Variants in STARD5 observed in about 807,000 individuals in gnomAD.
The protein encoded by STARD5 is StAR related lipid transfer domain containing 5.
A neutral mutation model predicts 24.6 loss-of-function variants in STARD5; 26 were observed. The ratio of observed to expected loss-of-function variants is 1.06; its 90% CI spans 0.77 to 1.47. The LOEUF is 1.47. STARD5 is among the 40% of genes most tolerant of loss of function. STARD5 has a pLI of 0.00. For synonymous variants in STARD5, 101 were observed against 99.7 expected (o/e 1.01, Z -0.07); for missense variants, 254 against 270.8 (o/e 0.94, Z 0.44).
rs985688967 is a variant in STARD5 at position 81,309,102 on chromosome 15, A to G, written c.*4154T>C. 2 of 295,736 alleles carry G rather than the reference A, an allele frequency of 6.8e-6. No homozygotes were observed. The highest frequency in any genetic ancestry group is 5.1e-5 in the Admixed American group (1 of 19,674). 18.3% of individuals were successfully genotyped at this position (295,736 alleles called of 1,614,324 possible). Reference sequence around the variant, plus strand: ...TTTATTAGAATTTCATATGACATTCATGCCTGGCTTCGCAAAATGTTTCAA... The same window carrying G: ...TTTATTAGAATTTCATATGACATTCGTGCCTGGCTTCGCAAAATGTTTCAA... On this transcript the variant is annotated 3_prime_UTR_variant, in exon 6 of 6. Transcript: ENST00000302824.
intron 4 of STARD5, 102 bp downstream of exon 4, chr15:81,319,237 G>T: frequency 1.9e-6 from 2 of 1,051,244 alleles, no homozygotes; most frequent in Non-Finnish European, 1.5e-6. Context: ...GTGAGTTTCT[G>T]GTGATTTCTG....
intron 3 of STARD5, among the ~76,000 whole-genome samples, chr15:81,319,792 G>A (rs938373930): frequency 2.0e-5 from 3 of 152,200 alleles, no homozygotes; most frequent in African/African-American, 7.2e-5. Flanking sequence ...CTTACCTTTA[G>A]AAATAGGAAT....
rs1475553383 is a variant in STARD5, at chr15:81,313,387, T to A, written c.511A>T (p.Asn171Tyr). The A allele has an allele frequency of 6.4e-7, 1 of 1,555,780 alleles. No individual in the cohort carries two copies. The highest frequency in any genetic ancestry group is 1.4e-5 in the African/African-American group (1 of 72,462). Residue 171 changes from asparagine to tyrosine, a missense_variant, in exon 6 of 6, where the codon AAC becomes TAC. Physicochemically the swap from Asn to Tyr is moderately radical, Grantham distance 143. Coordinates refer to ENST00000302824, the MANE Select transcript of STARD5 (RefSeq NM_181900.3). ...EPLPGEPTKTNLVTFFHTDLS... is the reference protein window; with the variant it reads ...EPLPGEPTKTYLVTFFHTDLS... ...TCGGTATGGAAGAATGTGACCAGGT[T>A]GGTCTTGGTGGGTTCCCTGTGAAGG... is the stretch of plus-strand genomic sequence containing the variant.
chr15:81,314,847 T>C lies in STARD5; in HGVS notation c.495-1444A>G, dbSNP rs1483949527. Among the ~76,000 whole-genome samples, 6 of 143,200 alleles carry C rather than the reference T, an allele frequency of 4.2e-5. No homozygotes were observed. In the South Asian group the frequency reaches 8.8e-4, roughly 21 times the overall value. 93.9% of individuals were successfully genotyped at this position (143,200 alleles called of 152,430 possible). A position where few individuals can be genotyped will look rare whatever the true frequency, so the allele number is the denominator to read the frequency against. ...GTTGCAGTGAGCCGAGATTACACCA[T>C]TGCACTCCAGCCTGGGTGACAAGAG... On this transcript the variant is annotated intron_variant, in intron 5 of 5. Transcript: ENST00000302824.
chr15:81,320,324 A>G (rs1901171494), intron 3 of STARD5, among the ~76,000 whole-genome samples: 1 of 152,222 alleles, frequency 6.6e-6, no homozygotes, highest in African/African-American at 2.4e-5. Flanking sequence ...GCCTCAGGAA[A>G]TTAATCTTCG....
intron 3 of STARD5, among the ~76,000 whole-genome samples, chr15:81,319,691 C>G (rs1005031641): frequency 3.3e-5 from 5 of 152,218 alleles, no homozygotes; most frequent in Non-Finnish European, 5.9e-5. Flanking sequence ...CAGACCAGTG[C>G]CATGCTGAGG....
At position 81,313,028 on chromosome 15, in the gene STARD5, T is replaced by G; in HGVS notation, c.*228A>C. 1 of 355,694 alleles carries G rather than the reference T, an allele frequency of 2.8e-6. No homozygotes were observed. Among genetic ancestry groups the G allele is most frequent in the Non-Finnish European group, 5.0e-6 (1 of 200,730 alleles). 22.0% of individuals were successfully genotyped at this position (355,694 alleles called of 1,614,324 possible). ...GAGGCGTGTTTGGGTAACAGGCAGA[T>G]GGAGTTTGGAACACATGAATGGCTC... On this transcript the variant is annotated 3_prime_UTR_variant, in exon 6 of 6. Transcript: ENST00000302824.
rs1230987686 is a variant in STARD5 at position 81,322,397 on chromosome 15, G to C, written c.282+11C>G. On this transcript the variant is annotated intron_variant, in intron 3 of 5. Transcript: ENST00000302824. ...ACACTATCTAGAGATAACATGCTTG[G>C]AAAGACTTACGTCAGTGATGCTTTG... is the stretch of plus-strand genomic sequence containing the variant. 1.2e-6 allele frequency: 2 copies of C among 1,614,046 alleles called. No individual in the cohort carries two copies. Among genetic ancestry groups the C allele is most frequent in the East Asian group, 2.2e-5 (1 of 44,900 alleles).
At position 81,312,345 on chromosome 15, in the gene STARD5, G is replaced by A. The variant is rs1900904543; in HGVS notation, c.*911C>T. ...TTTCCAGCCAGGGCTGCTAGACGGA[G>A]GCCTACTCTTCCATCTTTCCTGATG... On this transcript the variant is annotated 3_prime_UTR_variant, in exon 6 of 6. Coordinates refer to ENST00000302824, the MANE Select transcript of STARD5 (RefSeq NM_181900.3). 1 of 152,254 alleles carries A rather than the reference G, an allele frequency of 6.6e-6. No individual in the cohort carries two copies. The highest frequency in any genetic ancestry group is 2.4e-5 in the African/African-American group (1 of 41,444). 9.4% of individuals were successfully genotyped at this position (152,254 alleles called of 1,614,324 possible). A position where few individuals can be genotyped will look rare whatever the true frequency, so the allele number is the denominator to read the frequency against.
chr15:81,319,800 A>G (rs1215659259), intron 3 of STARD5, among the ~76,000 whole-genome samples: 7 of 152,224 alleles, frequency 4.6e-5, no homozygotes, highest in African/African-American at 1.4e-4. Context: ...TAGAAATAGG[A>G]ATCATTAATC....
Position 81,313,196 on chromosome 15 carries a change from C to G in STARD5, c.*60G>C. The stretch of plus-strand genomic sequence containing the variant: ...GCGTGCTCCCAGGCTCCTTGGTGTC[C>G]CAACAGCTGGAGCTCCTCGATGAGT... On this transcript the variant is annotated 3_prime_UTR_variant, in exon 6 of 6. Transcript: ENST00000302824. 3 of 1,462,796 alleles carry G rather than the reference C, an allele frequency of 2.1e-6. No homozygotes were observed. The highest frequency in any genetic ancestry group is 2.7e-6 in the Non-Finnish European group (3 of 1,101,234). The allele number at this position is 1,462,796 out of a possible 1,614,324, so 90.6% of individuals were successfully genotyped here.
Position 81,322,910 on chromosome 15 carries a change from A to G in STARD5, c.138T>C (p.Phe46=), listed in dbSNP as rs765839516. Residue 46 remains phenylalanine, a synonymous_variant, in exon 2 of 6, where the codon TTT becomes TTC. Coordinates refer to ENST00000302824, the MANE Select transcript of STARD5 (RefSeq NM_181900.3). The part of the protein sequence containing the change: ...VSVSWRPSVE[F]PGNLYRGEGI... ...AGGCATGCACTTACAGGTTCCCTGG[A>G]AACTCCACAGATGGCCTCCAGGAAA... 1.2e-6 allele frequency: 2 copies of G among 1,614,204 alleles called. No homozygotes were observed. The highest frequency in any genetic ancestry group is 4.5e-5 in the East Asian group (2 of 44,884).
chr15:81,323,851 GA>G (rs2141679896), intron 1 of STARD5, 149 bp downstream of exon 1: 1 of 823,768 alleles, frequency 1.2e-6, no homozygotes, highest in East Asian at 2.7e-5. Context: ...TTTTAAAGAA[GA>G]AAACAATCCC....
rs1900919496 is a variant in STARD5 at position 81,312,604 on chromosome 15, A to T, written c.*652T>A. 6.6e-6 allele frequency: 1 copy of T among 152,236 alleles called. No homozygotes were observed. Among genetic ancestry groups the T allele is most frequent in the Non-Finnish European group, 1.5e-5 (1 of 68,042 alleles). The allele number at this position is 152,236 out of a possible 1,614,324, so 9.4% of individuals were successfully genotyped here. On this transcript the variant is annotated 3_prime_UTR_variant, in exon 6 of 6. Coordinates refer to ENST00000302824, the MANE Select transcript of STARD5 (RefSeq NM_181900.3). ...TGTCTGGTTTCACCGAGGACATGAA[A>T]CTCCACCTTGCGGGGATAAAGAGAG...
In STARD5 at chr15:81,319,446, A is replaced by G; in HGVS notation, c.293T>C (p.Val98Ala). 6.2e-7 allele frequency: 1 copy of G among 1,614,162 alleles called. No individual in the cohort carries two copies. Among genetic ancestry groups the G allele is most frequent in the Non-Finnish European group, 8.5e-7 (1 of 1,179,998 alleles). The change falls in exon 4 of 6, where the codon GTA (valine) becomes GCA (alanine). Residue 98 changes from valine to alanine, a missense_variant. Val to Ala is a moderately conservative substitution (Grantham distance 64). Coordinates refer to ENST00000302824, the MANE Select transcript of STARD5 (RefSeq NM_181900.3). Reference protein sequence around the residue: ...IIQSITDTLCVSRTSTPSAAM... With the variant: ...IIQSITDTLCASRTSTPSAAM... ...AGCGGAGGGAGTGGAGGTTCTGCTT[A>G]CACACAGGGTCTGCCAAACCAAAGA...
At chr15:81,320,312 C>T (rs1012093612) in intron 3 of STARD5, among the ~76,000 whole-genome samples, 1 of 152,126 alleles carries the variant, frequency 6.6e-6, no homozygotes, top group Non-Finnish European at 1.5e-5. Context: ...GGGACACTTT[C>T]GGCCTCAGGA....
intron 2 of STARD5, 131 bp downstream of exon 2, chr15:81,322,768 A>T: frequency 7.3e-7 from 1 of 1,374,560 alleles, no homozygotes; most frequent in Non-Finnish European, 1.0e-6. Context: ...CATTAAAAAC[A>T]GTAAGGCTTT....
At position 81,322,550 on chromosome 15, in the gene STARD5, G is replaced by A. The variant is rs370121467; in HGVS notation, c.150-10C>T. ...GCCTTCTCCTCGGTACCTGGAGCAC[G>A]AAAAGGAATTTGACCCCAACGCATC... On this transcript the variant is annotated splice_polypyrimidine_tract_variant and intron_variant, in intron 2 of 5. Transcript: ENST00000302824. The A allele has an allele frequency of 1.2e-5, 19 of 1,613,874 alleles. No homozygotes were observed. Among genetic ancestry groups the A allele is most frequent in the Admixed American group, 1.7e-5 (1 of 59,958 alleles).
intron 3 of STARD5, 58 bp downstream of exon 3, chr15:81,322,350 G>C: frequency 6.2e-7 from 1 of 1,607,152 alleles, no homozygotes; most frequent in Non-Finnish European, 8.5e-7. Context: ...AAATGGGAGG[G>C]GGTTACTATA....
Sources: allele counts gnomAD v4.1 joint callset (sites outside exome capture counted in the v4.1 genomes callset), GRCh38; gene constraint gnomAD v4.1.1; transcripts MANE v1.5; gene names NCBI Gene and HGNC (gene_info 2026-07-23, HGNC 2026-07-21).